Variants in NEK10 observed in about 807,000 individuals in gnomAD.
The protein encoded by NEK10 is NIMA related kinase 10, also known as serine/threonine-protein kinase Nek10.
In NEK10, 122 loss-of-function variants were observed where a neutral mutation model predicts 159.8. The ratio of observed to expected loss-of-function variants is 0.76; its 90% CI spans 0.66 to 0.89. The LOEUF (loss-of-function observed/expected upper bound fraction) is 0.89, where lower values mean the gene tolerates loss of function less well. Among genes scored for constraint, NEK10 ranks in the 40% least tolerant of loss-of-function variants. The pLI, the probability that NEK10 is intolerant of heterozygous loss-of-function variation, is 0.00. For missense variants in NEK10, 1,342 were observed against 1,323.1 expected, an observed-to-expected ratio of 1.01 and a Z score of -0.22; for synonymous variants, 466 against 457.1, an observed-to-expected ratio of 1.02 and a Z score of -0.25.
intron 29 of NEK10, among the ~76,000 whole-genome samples, chr3:27,165,364 C>G (rs1946384124): frequency 6.6e-6 from 1 of 152,144 alleles, no homozygotes; most frequent in Non-Finnish European, 1.5e-5. Flanking sequence ...TGAAATTATG[C>G]AGAGCCTGGG....
intron 22 of NEK10, among the ~76,000 whole-genome samples, chr3:27,274,519 T>A (rs898054746): frequency 1.3e-5 from 2 of 152,064 alleles, no homozygotes; most frequent in Non-Finnish European, 1.5e-5. Flanking sequence ...TTCTGGTTAT[T>A]CAGTTGGAAT....
Position 27,222,048 on chromosome 3 carries a change from T to C in NEK10, c.2091-19491A>G, listed in dbSNP as rs565803031. On this transcript the variant is annotated intron_variant, in intron 23 of 35. Coordinates refer to ENST00000691995, the MANE Select transcript of NEK10 (RefSeq NM_001394966.1). ...AGGGGAAGTAGGATGAAGAGGAGCC[T>C]TCAATTGACTCCGTAACATTATTTC... Among the ~76,000 whole-genome samples the C allele has an allele frequency of 7.9e-5, 12 of 152,288 alleles. No homozygotes were observed. The South Asian group carries it at 2.5e-3, about 32-fold the overall frequency.
Position 27,109,398 on chromosome 3 carries a change from A to T in NEK10, c.*1874T>A, listed in dbSNP as rs1000387910. On this transcript the variant is annotated 3_prime_UTR_variant, in exon 36 of 36. Coordinates refer to ENST00000691995, the MANE Select transcript of NEK10 (RefSeq NM_001394966.1). ...TGTCTTAAAAAAAAAAAAAAAAAAAAAGAGTTAGATGGAAACATTTTGCTC... is the reference window on the plus strand; with the variant it reads ...TGTCTTAAAAAAAAAAAAAAAAAAATAGAGTTAGATGGAAACATTTTGCTC... 9.1e-4 allele frequency among the ~76,000 whole-genome samples: 137 copies of T among 151,296 alleles called. No individual in the cohort carries two copies. Among genetic ancestry groups the T allele is most frequent in the African/African-American group, 3.3e-3 (135 of 40,938 alleles).
intron 23 of NEK10, among the ~76,000 whole-genome samples, chr3:27,248,394 A>C (rs1176424801): frequency 6.6e-6 from 1 of 151,576 alleles, no homozygotes; most frequent in South Asian, 2.1e-4. Context: ...CTTTTCTTCT[A>C]CTAATTTTGG....
chr3:27,286,079 C>CTTTTTTTTTTTTTTTTTTT (rs35663067), intron 20 of NEK10, among the ~76,000 whole-genome samples: 1 of 57,710 alleles, frequency 1.7e-5, no homozygotes, highest in African/African-American at 7.8e-5. Context: ...ATTTCCAATT[C>CTTTTTTTTTTTTTTTTTTT]TTTTTTTTTT....
chr3:27,184,277 G>C (rs886511480), intron 26 of NEK10, among the ~76,000 whole-genome samples: 5 of 152,114 alleles, frequency 3.3e-5, no homozygotes, highest in African/African-American at 1.2e-4. Flanking sequence ...ACACCACGTG[G>C]GTGAATCTCA....
chr3:27,304,278 C>A (rs1019766191), intron 12 of NEK10, among the ~76,000 whole-genome samples: 5 of 152,194 alleles, frequency 3.3e-5, no homozygotes, highest in Admixed American at 2.6e-4. Context: ...GGATTGTACA[C>A]CTGCTCCTTT....
chr3:27,115,977 G>A lies in NEK10; in HGVS notation c.3262C>T (p.Leu1088Phe), dbSNP rs772902330. The part of the protein sequence containing the change: ...EQMQTVIEEV[L>F]EESGYYNFTS... Reference sequence around the variant, plus strand: ...AAATTGTAATAGCCACTTTCCTCAAGGACTTCTTCAATCACAGTCTAAAAT... The same window carrying A: ...AAATTGTAATAGCCACTTTCCTCAAAGACTTCTTCAATCACAGTCTAAAAT... The change falls in exon 35 of 36, where the codon CTT becomes TTT. Residue 1088 changes from leucine (L) to phenylalanine (F), a missense_variant. Transcript: ENST00000691995. 9.3e-6 allele frequency: 15 copies of A among 1,612,948 alleles called. No homozygotes were observed. Among genetic ancestry groups the A allele is most frequent in the Non-Finnish European group, 1.1e-5 (13 of 1,179,242 alleles).
chr3:27,218,233 G>A (rs1015824032), intron 23 of NEK10, among the ~76,000 whole-genome samples: 1 of 152,186 alleles, frequency 6.6e-6, no homozygotes, highest in Non-Finnish European at 1.5e-5. Context: ...CTTACAAATT[G>A]TTTATTTCTG....
chr3:27,124,290 G>C (rs1941681443), intron 32 of NEK10, among the ~76,000 whole-genome samples: 1 of 152,154 alleles, frequency 6.6e-6, no homozygotes, highest in Non-Finnish European at 1.5e-5. Flanking sequence ...AAGAAGATCA[G>C]CAAAGAAGCT....
chr3:27,136,104 T>G (rs991707344), intron 31 of NEK10, among the ~76,000 whole-genome samples: 7 of 46,030 alleles, frequency 1.5e-4, no homozygotes, highest in African/African-American at 4.8e-4. Flanking sequence ...AGGAGATCGA[T>G]TTTTTTTTTT....
intron 1 of NEK10, among the ~76,000 whole-genome samples, chr3:27,364,898 C>G (rs376852401): frequency 1.3e-5 from 2 of 152,166 alleles, no homozygotes; most frequent in Non-Finnish European, 2.9e-5. Flanking sequence ...ATGTAACACT[C>G]CTAATGAATC....
intron 26 of NEK10, among the ~76,000 whole-genome samples, chr3:27,178,527 T>C (rs1395046003): frequency 1.3e-5 from 2 of 152,308 alleles, no homozygotes; most frequent in East Asian, 1.9e-4. Context: ...CCCTTAAATA[T>C]CTCAATTTAG....
rs1247629886 is a variant in NEK10 at position 27,131,987 on chromosome 3, G to A, written c.2974C>T (p.Pro992Ser). Reference protein sequence around the residue: ...LHKIIYITQLPPALHHNLKRR... With the variant: ...LHKIIYITQLSPALHHNLKRR... ...TTCAAATTGTGGTGCAAAGCTGGAG[G>A]AAGCTGCATAAAATAAGAAAACAAT... The change falls in exon 32 of 36, where the codon CCT becomes TCT. Residue 992 changes from proline (P) to serine (S), a missense_variant. By Grantham distance (74) the Pro-to-Ser change is moderately conservative. Transcript: ENST00000691995. 1 of 1,566,104 alleles carries A rather than the reference G, an allele frequency of 6.4e-7. No homozygotes were observed. Among genetic ancestry groups the A allele is most frequent in the East Asian group, 2.2e-5 (1 of 44,506 alleles).
At chr3:27,180,975 C>T (rs939691905) in intron 26 of NEK10, among the ~76,000 whole-genome samples, 15 of 152,122 alleles carry the variant, frequency 9.9e-5, no homozygotes, top group Non-Finnish European at 1.6e-4. Context: ...CTCCCTGCTT[C>T]ACCGCACGCT....
At chr3:27,216,841 G>T (rs1196852363) in intron 23 of NEK10, among the ~76,000 whole-genome samples, 1 of 152,100 alleles carries the variant, frequency 6.6e-6, no homozygotes, top group Non-Finnish European at 1.5e-5. Flanking sequence ...TATTATTATT[G>T]TATTAAACCA....
chr3:27,252,424 G>A (rs182225295), intron 23 of NEK10, among the ~76,000 whole-genome samples: 38 of 152,228 alleles, frequency 2.5e-4, no homozygotes, highest in African/African-American at 4.8e-4. Context: ...GGAAAGGACA[G>A]GGAATTAAAA....
At chr3:27,293,896 T>C (rs2149501669) in intron 15 of NEK10, among the ~76,000 whole-genome samples, 1 of 152,362 alleles carries the variant, frequency 6.6e-6, no homozygotes, top group Non-Finnish European at 1.5e-5. Flanking sequence ...TACTCGTCAT[T>C]AATTTCTTTC....
rs1328272775 is a variant in NEK10, at chr3:27,290,619, G to C, written c.1741C>G (p.Gln581Glu). 6.3e-7 allele frequency: 1 copy of C among 1,582,402 alleles called. No individual in the cohort carries two copies. The highest frequency in any genetic ancestry group is 1.4e-5 in the African/African-American group (1 of 72,976). Reference protein sequence around the residue: ...IVSELTIIKEQLYHPNIVRYY... With the variant: ...IVSELTIIKEELYHPNIVRYY... ...TCAGAAACAAGGAAAACATTTACCTGCTCTTTAATTATTGTTAATTCAGAA... is the reference window on the plus strand; with the variant it reads ...TCAGAAACAAGGAAAACATTTACCTCCTCTTTAATTATTGTTAATTCAGAA... Residue 581 changes from glutamine (Q) to glutamate (E), a missense_variant and splice_region_variant, in exon 19 of 36, where the codon CAG (glutamine) becomes GAG (glutamate). Gln to Glu is a conservative substitution (Grantham distance 29). Transcript: ENST00000691995.
Sources: allele counts gnomAD v4.1 joint callset (sites outside exome capture counted in the v4.1 genomes callset), GRCh38; gene constraint gnomAD v4.1.1; transcripts MANE v1.5; gene names NCBI Gene and HGNC (gene_info 2026-07-23, HGNC 2026-07-21).